The following PNPLA1 variants were observed in gnomAD, a reference collection of about 807,000 sequenced individuals.
PNPLA1 encodes the protein omega-hydroxyceramide transacylase.
Under a neutral mutation model 51.7 loss-of-function variants are expected in PNPLA1, and 36 were observed. The ratio of observed to expected loss-of-function variants is 0.70; its 90% confidence interval spans 0.53 to 0.92. PNPLA1 has a LOEUF of 0.92. Ranked by LOEUF, PNPLA1 falls within the 40% of genes least tolerant of loss-of-function variation. The pLI is 0.00. For missense variants in PNPLA1, 658 were observed against 682.5 expected (o/e 0.96, Z 0.40); for synonymous variants, 293 against 280.1 (o/e 1.05, Z -0.46).
At chr6:36,275,514 T>A (rs1181673901) in intron 1 of PNPLA1, among the ~76,000 whole-genome samples, 1 of 152,244 alleles carries the variant, frequency 6.6e-6, no homozygotes, top group Non-Finnish European at 1.5e-5. Flanking sequence ...GAGGTAGAGA[T>A]CTAATTTTTA....
At chr6:36,284,088 T>G (rs889897030) in intron 1 of PNPLA1, among the ~76,000 whole-genome samples, 1 of 152,228 alleles carries the variant, frequency 6.6e-6, no homozygotes, top group Non-Finnish European at 1.5e-5. Context: ...TGTTGGAGGT[T>G]GTGCCTGGAT....
chr6:36,289,921 A>G (rs1243430165), intron 1 of PNPLA1, among the ~76,000 whole-genome samples: 5 of 152,214 alleles, frequency 3.3e-5, no homozygotes, highest in Admixed American at 2.0e-4. Flanking sequence ...TGGGTAAATC[A>G]CTTAACCTCT....
chr6:36,297,016 G>A (rs1038400328), intron 5 of PNPLA1, among the ~76,000 whole-genome samples: 3 of 152,130 alleles, frequency 2.0e-5, no homozygotes, highest in Admixed American at 6.5e-5. Context: ...TCAAATAAAT[G>A]GTAGCTCTCA....
chr6:36,291,597 G>GGGGGGGGA, intron 2 of PNPLA1, 45 bp downstream of exon 2: 1 of 532,586 alleles, frequency 1.9e-6, no homozygotes, highest in South Asian at 1.7e-5. Flanking sequence ...GGGGGCGGGG[G>GGGGGGGGA]AGGGCGGCTC....
In PNPLA1 at chr6:36,244,012, G is replaced by A. The variant is rs550947978; in HGVS notation, c.-81+751G>A. Among the ~76,000 whole-genome samples the A allele has an allele frequency of 2.0e-5, 3 of 152,310 alleles. No homozygotes were observed. The South Asian group carries it at 6.2e-4, about 32-fold the overall frequency. On this transcript the variant is annotated intron_variant, in intron 1 of 7. Coordinates refer to the PNPLA1 transcript ENST00000312917. ...TCCTGCACAGATTGAGCCCCAGAGA[G>A]GTTGAGTAGCTTGGGCAAGGTCACA...
rs1012619717 is a variant in PNPLA1 at position 36,312,926 on chromosome 6, C to A, written c.*1040C>A. On this transcript the variant is annotated 3_prime_UTR_variant, in exon 9 of 9. Coordinates refer to ENST00000636260, the MANE Select transcript of PNPLA1 (RefSeq NM_001374623.1). ...TGTCCAAGGGCAAAACTCTTGGGGG[C>A]CCAGCAGGACTGAGCCAACGACACG... is the stretch of plus-strand genomic sequence containing the variant. 6.6e-6 allele frequency among the ~76,000 whole-genome samples: 1 copy of A among 152,174 alleles called. No homozygotes were observed. Among genetic ancestry groups the A allele is most frequent in the African/African-American group, 2.4e-5 (1 of 41,432 alleles).
chr6:36,286,851 A>T (rs992903286), intron 1 of PNPLA1, among the ~76,000 whole-genome samples: 12 of 144,096 alleles, frequency 8.3e-5, no homozygotes, highest in South Asian at 2.2e-4. Flanking sequence ...GCTAATTTAA[A>T]TTTTTTTTTT....
intron 1 of PNPLA1, among the ~76,000 whole-genome samples, chr6:36,251,504 T>A (rs149037462): frequency 1.3e-5 from 2 of 152,370 alleles, no homozygotes; most frequent in Non-Finnish European, 2.9e-5. Flanking sequence ...GAATGATGCA[T>A]GTCAAGTTCA....
chr6:36,271,099 C>T (rs1381638376), intron 1 of PNPLA1, among the ~76,000 whole-genome samples: 1 of 152,178 alleles, frequency 6.6e-6, no homozygotes, highest in African/African-American at 2.4e-5. Flanking sequence ...TCTCTATCAC[C>T]CTGATGGGGA....
rs369902772 is a variant in PNPLA1 at position 36,291,389 on chromosome 6, C to T, written c.275C>T (p.Pro92Leu). The T allele has an allele frequency of 2.0e-5, 33 of 1,614,032 alleles. No homozygotes were observed. The highest frequency in any genetic ancestry group is 4.4e-5 in the South Asian group (4 of 91,084). Residue 92 changes from proline to leucine, a missense_variant, in exon 2 of 9, where the codon CCG (proline) becomes CTG (leucine). By Grantham distance (98) the Pro-to-Leu change is moderately conservative. Transcript: ENST00000636260. ...VKKSFLGPLS[P>L]SCKMVQMMRQ... ...AAATCCTTCCTGGGGCCCTTGTCCC[C>T]GTCCTGTAAGATGGTGCAGATGATG...
intron 1 of PNPLA1, among the ~76,000 whole-genome samples, chr6:36,277,957 G>A (rs1268808612): frequency 6.6e-6 from 1 of 152,230 alleles, no homozygotes; most frequent in African/African-American, 2.4e-5. Flanking sequence ...TGTGGCAGTG[G>A]GAGCATGAGT....
intron 2 of PNPLA1, among the ~76,000 whole-genome samples, chr6:36,292,235 C>T (rs1359941869): frequency 6.6e-6 from 1 of 152,124 alleles, no homozygotes; most frequent in Non-Finnish European, 1.5e-5. Flanking sequence ...CCATACTGGC[C>T]TGGCAGTAAT....
At chr6:36,275,787 G>A (rs1256814543) in intron 1 of PNPLA1, among the ~76,000 whole-genome samples, 2 of 151,970 alleles carry the variant, frequency 1.3e-5, no homozygotes, top group Non-Finnish European at 2.9e-5. Context: ...CTGGGCTTTC[G>A]ACTGAAATTG....
intron 5 of PNPLA1, among the ~76,000 whole-genome samples, chr6:36,301,184 G>A (rs1249394535): frequency 1.4e-5 from 2 of 140,502 alleles, no homozygotes; most frequent in East Asian, 4.4e-4. Flanking sequence ...GTAGTGGCAC[G>A]ATCATGGCTC....
chr6:36,307,646 A>C lies in PNPLA1; in HGVS notation c.1529A>C (p.Lys510Thr). Reference protein sequence around the residue: ...VNKVFKKNKQKTSGTRKGFPR... With the variant: ...VNKVFKKNKQTTSGTRKGFPR... ...AAGGTCTTCAAGAAGAACAAGCAAA[A>C]GACAAGTGGCACCAGAAAAGGCTTC... The change falls in exon 8 of 9, where the codon AAG becomes ACG. Residue 510 changes from lysine to threonine, a missense_variant. Physicochemically the swap from Lys to Thr is moderately conservative, Grantham distance 78. Coordinates refer to ENST00000636260, the MANE Select transcript of PNPLA1 (RefSeq NM_001374623.1). The C allele has an allele frequency of 9.3e-6, 15 of 1,614,024 alleles. No individual in the cohort carries two copies. The highest frequency in any genetic ancestry group is 1.3e-5 in the Non-Finnish European group (15 of 1,180,004).
intron 1 of PNPLA1, among the ~76,000 whole-genome samples, chr6:36,278,327 T>G (rs1176141558): frequency 6.6e-6 from 1 of 152,236 alleles, no homozygotes; most frequent in African/African-American, 2.4e-5. Context: ...AGTGTGATAC[T>G]GAATGTGTCT....
At chr6:36,250,097 C>G (rs1769388590) in intron 1 of PNPLA1, among the ~76,000 whole-genome samples, 1 of 152,206 alleles carries the variant, frequency 6.6e-6, no homozygotes, top group East Asian at 1.9e-4. Flanking sequence ...CCAGCCCCTT[C>G]CTTGTCATCT....
At chr6:36,287,670 GGAGA>G (rs989336221) in intron 1 of PNPLA1, among the ~76,000 whole-genome samples, 42 of 152,002 alleles carry the variant, frequency 2.8e-4, no homozygotes, top group African/African-American at 9.7e-4. Flanking sequence ...TTAGTTGCTG[GGAGA>G]GAGAGAAAGG....
intron 1 of PNPLA1, among the ~76,000 whole-genome samples, chr6:36,252,521 T>G (rs1417697132): frequency 6.0e-5 from 8 of 133,328 alleles, no homozygotes; most frequent in African/African-American, 1.7e-4. Context: ...TTGGGCTGTG[T>G]GTGTACATGG....
Sources: allele counts gnomAD v4.1 joint callset (sites outside exome capture counted in the v4.1 genomes callset), GRCh38; gene constraint gnomAD v4.1.1; transcripts MANE v1.5; gene names NCBI Gene and HGNC (gene_info 2026-07-23, HGNC 2026-07-21).